CEP76: variants seen among roughly 807,000 people sequenced by gnomAD.
The protein encoded by CEP76 is centrosomal protein of 76 kDa.
CEP76 carries 55 observed loss-of-function variants against 83.3 expected under a neutral mutation model. The ratio of observed to expected loss-of-function variants is 0.66; its 90% CI spans 0.53 to 0.83. CEP76 has a LOEUF of 0.83. Among genes scored for constraint, CEP76 ranks in the 40% least tolerant of loss-of-function variants. The pLI is 0.00. For synonymous variants in CEP76, 270 were observed against 274.5 expected (o/e 0.98, Z 0.16); for missense variants, 694 against 799.5 (o/e 0.87, Z 1.59).
chr18:12,699,541 CA>C (rs2040079610), intron 3 of CEP76, among the ~76,000 whole-genome samples: 1 of 152,154 alleles, frequency 6.6e-6, no homozygotes, highest in South Asian at 2.1e-4. Context: ...ATCAATTCAG[CA>C]AGTGTATTTG....
At chr18:12,669,612 A>C (rs552619962), downstream of CEP76, among the ~76,000 whole-genome samples, 1 of 152,290 alleles carries the variant, frequency 6.6e-6, no homozygotes. Flanking sequence ...TGTCAAGAAC[A>C]CCACCTTGGA....
intron 6 of CEP76, among the ~76,000 whole-genome samples, chr18:12,694,402 A>C (rs983566865): frequency 1.3e-5 from 2 of 152,096 alleles, no homozygotes; most frequent in African/African-American, 2.4e-5. Flanking sequence ...GATAATGAGA[A>C]CCTCCAAACT....
chr18:12,667,941 C>A, downstream of CEP76, among the ~76,000 whole-genome samples: 1 of 135,422 alleles, frequency 7.4e-6, no homozygotes, highest in Admixed American at 7.9e-5. Flanking sequence ...AAATGGCAAA[C>A]ACAAATCCAG....
chr18:12,697,494 A>G (rs984476484), intron 4 of CEP76, 86 bp from the exon 5 acceptor site: 1 of 923,222 alleles, frequency 1.1e-6, no homozygotes, highest in East Asian at 2.7e-5. Context: ...AACAGTAAAT[A>G]ATAAGCTTAT....
intron 2 of CEP76, 97 bp downstream of exon 2, chr18:12,700,861 A>T: frequency 1.1e-6 from 1 of 940,488 alleles, no homozygotes; most frequent in South Asian, 1.7e-5. Context: ...AAGTGGTTTT[A>T]CTAAAACGAA....
intron 10 of CEP76, 56 bp from the exon 11 acceptor site, chr18:12,674,809 A>ATTT (rs1472249483): frequency 9.1e-7 from 1 of 1,103,800 alleles, no homozygotes; most frequent in Non-Finnish European, 1.3e-6. Flanking sequence ...TTTTAAAACC[A>ATTT]ACTAAATAAA....
chr18:12,675,134 C>G (rs968782149), intron 10 of CEP76, among the ~76,000 whole-genome samples: 3 of 152,138 alleles, frequency 2.0e-5, no homozygotes, highest in African/African-American at 7.2e-5. Flanking sequence ...CGGTGGCTCA[C>G]GCCTGTAATC....
At chr18:12,702,769 A>G (rs1568037784), upstream of CEP76, 6 of 584,262 alleles carry the variant, frequency 1.0e-5, no homozygotes, top group Non-Finnish European at 1.2e-5. Context: ...ACAGTGGCGG[A>G]CAAACAGGGC....
intron 6 of CEP76, among the ~76,000 whole-genome samples, chr18:12,693,707 C>T (rs113240057): frequency 0.081 from 12,372 of 152,084 alleles, 679 homozygotes; most frequent in Middle Eastern, 0.16. Context: ...TGCTTGAACT[C>T]GGCAGGCAGA....
chr18:12,697,710 C>T (rs2040005308), intron 4 of CEP76, among the ~76,000 whole-genome samples: 1 of 152,114 alleles, frequency 6.6e-6, no homozygotes. Context: ...TATGCTACTA[C>T]AATAAAAAGC....
rs561264601 is a variant in CEP76 at position 12,689,724 on chromosome 18, G to A, written c.933+1635C>T. 6.6e-5 allele frequency among the ~76,000 whole-genome samples: 10 copies of A among 152,132 alleles called. No individual in the cohort carries two copies. In the South Asian group the frequency reaches 1.0e-3, roughly 16 times the overall value. ...CTAGTTCCTAATTCCACGTGGCAATGAATAAATGCCTCAGACTATATAGAC... is the reference window on the plus strand; with the variant it reads ...CTAGTTCCTAATTCCACGTGGCAATAAATAAATGCCTCAGACTATATAGAC... On this transcript the variant is annotated intron_variant, in intron 7 of 11. Transcript: ENST00000262127.
chr18:12,671,638 CTTTCTT>C (rs1359122409), downstream of CEP76, among the ~76,000 whole-genome samples: 8,727 of 81,250 alleles, frequency 0.11, 373 homozygotes, highest in Non-Finnish European at 0.18. Flanking sequence ...AGGTTTCACA[CTTTCTT>C]TTTTTTTTTT....
In CEP76 at chr18:12,678,219, T is replaced by C. The variant is rs1013817335; in HGVS notation, c.1513A>G (p.Thr505Ala). The C allele has an allele frequency of 2.5e-6, 4 of 1,614,056 alleles. No homozygotes were observed. In the African/African-American group the frequency reaches 5.3e-5, roughly 22 times the overall value. Residue 505 changes from threonine to alanine, a missense_variant, in exon 10 of 12, where the codon ACA becomes GCA. Thr to Ala is a moderately conservative substitution (Grantham distance 58). Coordinates refer to ENST00000262127, the MANE Select transcript of CEP76 (RefSeq NM_024899.4). ...AIKSVCAPGA[T>A]TSLPPFPPLC... ...GGTGGAAAGGGAGGAAGGGATGTTG[T>C]AGCTCCAGGAGCACACACAGATTTA...
At chr18:12,700,869 GA>G in intron 2 of CEP76, 88 bp downstream of exon 2, 1 of 1,071,868 alleles carries the variant, frequency 9.3e-7, no homozygotes, top group Admixed American at 2.6e-5. Flanking sequence ...TTACTAAAAC[GA>G]AAGGCCCCAC....
At chr18:12,699,316 A>G (rs756889849) in intron 3 of CEP76, 113 bp from the exon 4 acceptor site, 11 of 697,754 alleles carry the variant, frequency 1.6e-5, no homozygotes, top group Admixed American at 3.0e-5. Context: ...AAAGACTAAA[A>G]AAAAAGCAAA....
intron 8 of CEP76, among the ~76,000 whole-genome samples, chr18:12,684,105 A>G (rs994926824): frequency 6.6e-6 from 1 of 151,222 alleles, no homozygotes; most frequent in African/African-American, 2.4e-5. Context: ...GCTCACTGCA[A>G]CCTCCACCTC....
chr18:12,673,859 C>T (rs985012147), intron 11 of CEP76, among the ~76,000 whole-genome samples: 8 of 151,978 alleles, frequency 5.3e-5, no homozygotes, highest in East Asian at 1.9e-4. Context: ...ACAGCCTGGG[C>T]GACAGACTGA....
At chr18:12,691,025 A>AGCAAATACACATTCCAAGTT (rs1182278757) in intron 7 of CEP76, among the ~76,000 whole-genome samples, 1 of 152,080 alleles carries the variant, frequency 6.6e-6, no homozygotes, top group Non-Finnish European at 1.5e-5. Flanking sequence ...CTAAGTATCA[A>AGCAAATACACATTCCAAGTT]GCAAATACAC....
chr18:12,699,548 ATT>A (rs1203516239), intron 3 of CEP76, among the ~76,000 whole-genome samples: 1 of 152,184 alleles, frequency 6.6e-6, no homozygotes, highest in Non-Finnish European at 1.5e-5. Flanking sequence ...CAGCAAGTGT[ATT>A]TGTCAATTAT....
Sources: gnomAD v4.1 joint callset for allele counts (sites outside exome capture counted in the v4.1 genomes callset) on GRCh38, gnomAD v4.1.1 for gene constraint, MANE v1.5 for transcripts, NCBI Gene and HGNC (gene_info 2026-07-23, HGNC 2026-07-21) for gene names.